Variants in CHLSN observed in about 807,000 individuals in gnomAD.
The protein encoded by CHLSN is cholesin.
chr7:1,017,632 C>T, the CHLSN span, among the ~76,000 whole-genome samples: 4 of 152,330 alleles, frequency 2.6e-5, no homozygotes, highest in Middle Eastern at 0.01. Flanking sequence ...GGAAACAAGA[C>T]ACGGACTCAA....
At chr7:1,114,271 G>T in the CHLSN span, among the ~76,000 whole-genome samples, 1 of 152,232 alleles carries the variant, frequency 6.6e-6, no homozygotes, top group Non-Finnish European at 1.5e-5. Flanking sequence ...CGCAGAACTG[G>T]AGGCAGAAAG....
chr7:1,061,563 A>G, the CHLSN span, among the ~76,000 whole-genome samples: 1 of 152,160 alleles, frequency 6.6e-6, no homozygotes, highest in Middle Eastern at 3.4e-3. Flanking sequence ...TTCCTGAGAC[A>G]CCTGCTCATC....
chr7:1,110,824 AG>A, the CHLSN span, among the ~76,000 whole-genome samples: 3 of 152,188 alleles, frequency 2.0e-5, no homozygotes, highest in African/African-American at 7.2e-5. Context: ...AAAAAAAAAA[AG>A]CAAAAACCAC....
At chr7:1,017,377 C>T in the CHLSN span, among the ~76,000 whole-genome samples, 10 of 152,278 alleles carry the variant, frequency 6.6e-5, no homozygotes, top group Admixed American at 3.3e-4. Context: ...GCCTGCCGTG[C>T]CCTGCTGTGT....
At chr7:1,057,794 G>T in the CHLSN span, 1 of 776,352 alleles carries the variant, frequency 1.3e-6, no homozygotes. Context: ...CCCGGTGGGC[G>T]CTGTGGAGTG....
At chr7:1,121,535 C>T in the CHLSN span, among the ~76,000 whole-genome samples, 8 of 152,350 alleles carry the variant, frequency 5.3e-5, no homozygotes, top group South Asian at 1.7e-3. Flanking sequence ...TCTAGTAATA[C>T]ACACTGATTT....
At chr7:1,070,609 TGCATGCACAC>T in the CHLSN span, among the ~76,000 whole-genome samples, 218 of 123,414 alleles carry the variant, frequency 1.8e-3, 1 homozygote, top group African/African-American at 6.8e-3. Flanking sequence ...CATGCACACA[TGCATGCACAC>T]ACGCACACAA....
the CHLSN span, among the ~76,000 whole-genome samples, chr7:1,114,617 C>T: frequency 9.9e-5 from 15 of 152,272 alleles, no homozygotes; most frequent in Non-Finnish European, 2.2e-4. Context: ...GGGCTACCCC[C>T]TTCCCCAGCT....
At chr7:1,105,380 AC>A in the CHLSN span, among the ~76,000 whole-genome samples, 1 of 152,176 alleles carries the variant, frequency 6.6e-6, no homozygotes, top group Non-Finnish European at 1.5e-5. Context: ...CCCGAGGGTG[AC>A]GCCCCAGCCT....
At chr7:1,109,641 A>G in the CHLSN span, among the ~76,000 whole-genome samples, 1 of 150,848 alleles carries the variant, frequency 6.6e-6, no homozygotes, top group African/African-American at 2.4e-5. Flanking sequence ...TGCGTGGGCG[A>G]CGGAGCCTTT....
chr7:1,036,420 CGTGGTGTGGCCGTGT>C, the CHLSN span, among the ~76,000 whole-genome samples: 88 of 145,154 alleles, frequency 6.1e-4, no homozygotes, highest in Admixed American at 1.2e-3. Context: ...CTCGGGTGCT[CGTGGTGTGGCCGTGT>C]AGGGTTCGGG....
At chr7:1,085,751 T>C in the CHLSN span, among the ~76,000 whole-genome samples, 62 of 151,438 alleles carry the variant, frequency 4.1e-4, no homozygotes, top group African/African-American at 1.4e-3. Context: ...GAGGATGGCT[T>C]GAGCCTGGGA....
the CHLSN span, among the ~76,000 whole-genome samples, chr7:1,007,652 A>G: frequency 6.6e-6 from 1 of 152,162 alleles, no homozygotes; most frequent in Non-Finnish European, 1.5e-5. Flanking sequence ...GCCTTGGAAG[A>G]AGCTCCTGTG....
At chr7:1,130,076 G>A in the CHLSN span, among the ~76,000 whole-genome samples, 1 of 152,228 alleles carries the variant, frequency 6.6e-6, no homozygotes, top group Non-Finnish European at 1.5e-5. Flanking sequence ...ACCACCGTGA[G>A]TCTGGGGTCT....
chr7:1,127,531 C>T, the CHLSN span: 2 of 781,802 alleles, frequency 2.6e-6, no homozygotes, highest in Non-Finnish European at 1.9e-6. Flanking sequence ...AAAATAAACT[C>T]AAACTCCCAC....
chr7:985,188 A>T, the CHLSN span: 1 of 1,570,230 alleles, frequency 6.4e-7, no homozygotes, highest in Non-Finnish European at 8.6e-7. Context: ...CGCTGGCCCT[A>T]CTGGGCTGGG....
At chr7:1,107,924 A>G in the CHLSN span, among the ~76,000 whole-genome samples, 589 of 127,170 alleles carry the variant, frequency 4.6e-3, no homozygotes, top group African/African-American at 0.017. Flanking sequence ...GCTGTGTCCC[A>G]CACTGGAGAC....
the CHLSN span, among the ~76,000 whole-genome samples, chr7:1,016,964 A>ACACAGCAGCG: frequency 4.9e-5 from 6 of 122,758 alleles, no homozygotes; most frequent in Admixed American, 1.6e-4. Flanking sequence ...GCACAGCAGC[A>ACACAGCAGCG]CACGCCAGCA....
At chr7:983,432 T>A in the CHLSN span, 4 of 1,383,728 alleles carry the variant, frequency 2.9e-6, no homozygotes, top group East Asian at 1.2e-4. Context: ...ACAGCTGCCG[T>A]GTCCTGGCCC....
Sources: gnomAD v4.1 joint callset for allele counts (sites outside exome capture counted in the v4.1 genomes callset) on GRCh38, gnomAD v4.1.1 for gene constraint, MANE v1.5 for transcripts, NCBI Gene and HGNC (gene_info 2026-07-23, HGNC 2026-07-21) for gene names.